The following SHCBP1L variants were observed in gnomAD, a reference collection of about 807,000 sequenced individuals.
The protein encoded by SHCBP1L is SHC binding and spindle associated 1 like.
Under a neutral mutation model 62.5 loss-of-function variants are expected in SHCBP1L, and 67 were observed. The observed-to-expected ratio is 1.07, with a 90% confidence interval of 0.88 to 1.31. The LOEUF (loss-of-function observed/expected upper bound fraction) is 1.31. Among genes scored for constraint, SHCBP1L ranks in the 40% most tolerant of loss-of-function variants. SHCBP1L has a pLI of 0.00. For synonymous variants in SHCBP1L, 284 were observed against 289.4 expected (o/e 0.98, Z 0.19); for missense variants, 823 against 809.8 (o/e 1.02, Z -0.20).
chr1:182,952,861 C>T lies in SHCBP1L; in HGVS notation c.273G>A (p.Glu91=), dbSNP rs1397756059. 6 of 1,604,996 alleles carry T rather than the reference C, an allele frequency of 3.7e-6. No homozygotes were observed. The highest frequency in any genetic ancestry group is 1.3e-5 in the African/African-American group (1 of 74,564). The part of the protein sequence containing the change: ...TGEAAAAAAE[E]PLLPVPEDEE... ...CATCCTCAGGCACTGGCAGCAGGGG[C>T]TCCTCCGCCGCCGCCGCCGCCGCCT... The change falls in exon 1 of 10, where the codon GAG becomes GAA. Residue 91 remains glutamate (E), a synonymous_variant. Coordinates refer to ENST00000367547, the MANE Select transcript of SHCBP1L (RefSeq NM_030933.4).
chr1:182,939,682 C>G, intron 3 of SHCBP1L, 129 bp from the exon 4 acceptor site: 1 of 684,864 alleles, frequency 1.5e-6, no homozygotes, highest in Non-Finnish European at 2.3e-6. Flanking sequence ...TTAAAATGAC[C>G]TTTGAGTGAA....
intron 5 of SHCBP1L, among the ~76,000 whole-genome samples, chr1:182,937,318 G>A (rs1275614885): frequency 6.6e-6 from 1 of 151,980 alleles, no homozygotes; most frequent in Non-Finnish European, 1.5e-5. Flanking sequence ...TTCTAGTTTG[G>A]TGGTTCTTTC....
intron 5 of SHCBP1L, among the ~76,000 whole-genome samples, chr1:182,936,006 A>C (rs1275264042): frequency 6.6e-6 from 1 of 152,048 alleles, no homozygotes. Context: ...AGTTATTTTG[A>C]CATAATTAAC....
intron 2 of SHCBP1L, among the ~76,000 whole-genome samples, chr1:182,941,483 G>C (rs1055899848): frequency 1.3e-5 from 2 of 152,072 alleles, no homozygotes; most frequent in African/African-American, 4.8e-5. Flanking sequence ...AGGCTATAAA[G>C]TACCAGTATC....
chr1:182,952,701 G>A, intron 1 of SHCBP1L, 28 bp downstream of exon 1: 2 of 1,570,042 alleles, frequency 1.3e-6, no homozygotes, highest in Non-Finnish European at 1.7e-6. Flanking sequence ...GCTTCCGACC[G>A]TAGTCTTCCT....
At chr1:182,942,340 CGATCTCCTGTT>C (rs1651395381) in intron 2 of SHCBP1L, 1 of 796,506 alleles carries the variant, frequency 1.3e-6, no homozygotes, top group African/African-American at 1.7e-5. Flanking sequence ...ACAACCGCCC[CGATCTCCTGTT>C]GGGCTCTTCC....
intron 1 of SHCBP1L, 92 bp from the exon 2 acceptor site, chr1:182,951,559 T>G: frequency 1.1e-6 from 1 of 908,180 alleles, no homozygotes; most frequent in South Asian, 3.3e-5. Flanking sequence ...ATTTCTATTT[T>G]AAAATGGAAC....
At chr1:182,939,098 A>G (rs1651268480) in intron 5 of SHCBP1L, 78 bp downstream of exon 5, 1 of 1,142,388 alleles carries the variant, frequency 8.8e-7, no homozygotes, top group Non-Finnish European at 1.2e-6. Flanking sequence ...ATCAGAACAT[A>G]TACCACAAAT....
intron 2 of SHCBP1L, among the ~76,000 whole-genome samples, chr1:182,944,121 A>AAAATAAATAAATAAATAAATAAAT (rs147108848): frequency 0.017 from 2,224 of 134,046 alleles, 37 homozygotes; most frequent in East Asian, 0.037. Flanking sequence ...ACTACTTCTC[A>AAAATAAATAAATAAATAAATAAAT]AAATAAATAA....
chr1:182,930,730 T>G (rs1300836643), intron 5 of SHCBP1L, among the ~76,000 whole-genome samples: 8 of 97,522 alleles, frequency 8.2e-5, no homozygotes, highest in African/African-American at 2.3e-4. Flanking sequence ...TATATGTATT[T>G]TTTTTTTTTT....
chr1:182,924,967 AAAGAAAG>A (rs1196880401), intron 6 of SHCBP1L, among the ~76,000 whole-genome samples: 3 of 139,972 alleles, frequency 2.1e-5, no homozygotes, highest in African/African-American at 9.0e-5. Flanking sequence ...AGAAAGAAAG[AAAGAAAG>A]AAAAAAAAAG....
chr1:182,935,754 A>C (rs1056185929), intron 5 of SHCBP1L, among the ~76,000 whole-genome samples: 1 of 152,174 alleles, frequency 6.6e-6, no homozygotes, highest in African/African-American at 2.4e-5. Flanking sequence ...TCATCATGAA[A>C]TGTCCCTTTT....
rs1252769019 is a variant in SHCBP1L at position 182,899,993 on chromosome 1, A to T, written c.1952T>A (p.Val651Asp). The change falls in exon 10 of 10, where the codon GTC (valine) becomes GAC (aspartate). Residue 651 changes from valine to aspartate, a missense_variant. Coordinates refer to ENST00000367547, the MANE Select transcript of SHCBP1L (RefSeq NM_030933.4). ...ATCAATTCAGACGCTTTAACTTGTG[A>T]CTATTCTGATATCCCCCTTGACGTT... ...EANVKGDIRI[V>D]TS The T allele has an allele frequency of 1.9e-6, 3 of 1,603,778 alleles. No individual in the cohort carries two copies. Among genetic ancestry groups the T allele is most frequent in the Admixed American group, 3.4e-5 (2 of 58,232 alleles).
At chr1:182,918,249 C>T (rs1650423785) in intron 6 of SHCBP1L, among the ~76,000 whole-genome samples, 1 of 147,874 alleles carries the variant, frequency 6.8e-6, no homozygotes, top group African/African-American at 2.5e-5. Context: ...TATATATACA[C>T]ACATATATAT....
chr1:182,943,275 A>ATTTTTTT (rs767553592), intron 2 of SHCBP1L, among the ~76,000 whole-genome samples: 1 of 79,094 alleles, frequency 1.3e-5, no homozygotes, highest in Admixed American at 1.4e-4. Context: ...ACCATTCTTG[A>ATTTTTTT]TTTTTTTTTT....
chr1:182,907,932 A>G (rs1393380775), intron 6 of SHCBP1L, among the ~76,000 whole-genome samples: 1 of 152,236 alleles, frequency 6.6e-6, no homozygotes, highest in Non-Finnish European at 1.5e-5. Context: ...AGAAAGCATA[A>G]CAAAAATTGA....
intron 6 of SHCBP1L, among the ~76,000 whole-genome samples, chr1:182,914,897 T>C (rs1273364505): frequency 6.6e-6 from 1 of 151,528 alleles, no homozygotes; most frequent in Non-Finnish European, 1.5e-5. Flanking sequence ...AGGCCGGGTG[T>C]GGTGGCTCAT....
chr1:182,951,941 G>A, intron 1 of SHCBP1L: 1 of 357,440 alleles, frequency 2.8e-6, no homozygotes, highest in South Asian at 2.0e-5. Flanking sequence ...GATTACCTGA[G>A]GTCGGGAGTT....
intron 5 of SHCBP1L, among the ~76,000 whole-genome samples, chr1:182,935,537 G>A (rs142633706): frequency 1.3e-5 from 2 of 152,216 alleles, no homozygotes; most frequent in African/African-American, 4.8e-5. Context: ...ATCGGTTTCA[G>A]GAGTTTTGTT....
Sources: allele counts gnomAD v4.1 joint callset (sites outside exome capture counted in the v4.1 genomes callset), GRCh38; gene constraint gnomAD v4.1.1; transcripts MANE v1.5; gene names NCBI Gene and HGNC (gene_info 2026-07-23, HGNC 2026-07-21).